The following TRPS1 variants were observed in gnomAD, a reference collection of about 807,000 sequenced individuals.
TRPS1 encodes the protein zinc finger transcription factor Trps1.
In TRPS1, 6 loss-of-function variants were observed where a neutral mutation model predicts 101.2. The ratio of observed to expected loss-of-function variants is 0.06; its 90% CI spans 0.03 to 0.12. TRPS1 has a LOEUF of 0.12. Among genes scored for constraint, TRPS1 ranks in the 10% least tolerant of loss-of-function variants. TRPS1 has a pLI of 1.00. For missense variants in TRPS1, 1,363 were observed against 1,567.0 expected, an observed-to-expected ratio of 0.87 and a Z score of 2.20; for synonymous variants, 578 against 589.8, an observed-to-expected ratio of 0.98 and a Z score of 0.29.
At chr8:115,642,880 C>T (rs1818935823) in intron 1 of TRPS1, among the ~76,000 whole-genome samples, 1 of 146,924 alleles carries the variant, frequency 6.8e-6, no homozygotes, top group Non-Finnish European at 1.5e-5. Context: ...ATATATTTAA[C>T]GTTATATATA....
chr8:115,641,451 G>A (rs1352959193), intron 1 of TRPS1, among the ~76,000 whole-genome samples: 1 of 152,202 alleles, frequency 6.6e-6, no homozygotes, highest in Non-Finnish European at 1.5e-5. Flanking sequence ...AACAACCACA[G>A]ATTATTCTTT....
intron 5 of TRPS1, among the ~76,000 whole-genome samples, chr8:115,517,091 T>C (rs1450348130): frequency 1.3e-5 from 2 of 151,684 alleles, no homozygotes; most frequent in Admixed American, 1.3e-4. Context: ...ACAAAATATA[T>C]GGTTGTTCAT....
At chr8:115,513,622 G>A (rs1485054565) in intron 5 of TRPS1, among the ~76,000 whole-genome samples, 3 of 151,620 alleles carry the variant, frequency 2.0e-5, no homozygotes, top group African/African-American at 7.3e-5. Context: ...TTTACTTATT[G>A]TGTATGGCTA....
chr8:115,619,054 G>T, intron 3 of TRPS1, 78 bp downstream of exon 3: 2 of 1,534,054 alleles, frequency 1.3e-6, no homozygotes, highest in Non-Finnish European at 1.8e-6. Context: ...TGGGACCTTG[G>T]TTTTAACATG....
chr8:115,608,811 C>T (rs556301311), intron 3 of TRPS1, among the ~76,000 whole-genome samples: 1 of 151,574 alleles, frequency 6.6e-6, no homozygotes, highest in Non-Finnish European at 1.5e-5. Context: ...CAGCATTTCA[C>T]TAATTTATTT....
At chr8:115,445,808 T>C (rs1462130499) in intron 5 of TRPS1, among the ~76,000 whole-genome samples, 1 of 152,194 alleles carries the variant, frequency 6.6e-6, no homozygotes, top group Non-Finnish European at 1.5e-5. Flanking sequence ...TACCTTATTG[T>C]TGTACTGTCA....
chr8:115,515,451 G>T (rs1815686286), intron 5 of TRPS1, among the ~76,000 whole-genome samples: 1 of 151,410 alleles, frequency 6.6e-6, no homozygotes, highest in Non-Finnish European at 1.5e-5. Flanking sequence ...CATTAGTTTG[G>T]CATGTAGCAT....
At chr8:115,582,426 C>T (rs1357868320) in intron 5 of TRPS1, among the ~76,000 whole-genome samples, 14 of 152,180 alleles carry the variant, frequency 9.2e-5, no homozygotes, top group Non-Finnish European at 1.8e-4. Flanking sequence ...ATAAATTTAA[C>T]GCTGCTGAAG....
At chr8:115,439,760 A>T (rs1813544640) in intron 5 of TRPS1, among the ~76,000 whole-genome samples, 1 of 152,140 alleles carries the variant, frequency 6.6e-6, no homozygotes, top group South Asian at 2.1e-4. Flanking sequence ...CATCACCCTA[A>T]CTTCCTTTAA....
At position 115,587,585 on chromosome 8, in the gene TRPS1, T is replaced by C. The variant is rs564680752; in HGVS notation, c.2116A>G (p.Lys706Glu). Reference protein sequence around the residue: ...RHYRRAHSCYKCRQCSFTAAD... With the variant: ...RHYRRAHSCYECRQCSFTAAD... ...GCTGTAAAACTGCACTGACGGCATT[T>C]GTAGCAGCTGTGTGCTCTCCTGGAG... Residue 706 changes from lysine (K) to glutamate (E), a missense_variant, in exon 5 of 7, where the codon AAA becomes GAA. Around this residue, in one of 5 missense-constraint regions of TRPS1, gnomAD observed 1,020 missense variants for 1,073.0 expected, o/e 0.95. Coordinates refer to ENST00000395715, the MANE Select transcript of TRPS1 (RefSeq NM_014112.5). The C allele has an allele frequency of 2.5e-6, 4 of 1,614,170 alleles. No homozygotes were observed. In the South Asian group the frequency reaches 4.4e-5, roughly 18 times the overall value.
At chr8:115,664,519 C>T (rs1042044411) in intron 1 of TRPS1, among the ~76,000 whole-genome samples, 17 of 152,132 alleles carry the variant, frequency 1.1e-4, no homozygotes, top group African/African-American at 2.9e-4. Flanking sequence ...CGCAAGTCTA[C>T]GTATGCTGTC....
chr8:115,475,406 T>C (rs1814579993), intron 5 of TRPS1, among the ~76,000 whole-genome samples: 1 of 151,538 alleles, frequency 6.6e-6, no homozygotes, highest in Non-Finnish European at 1.5e-5. Flanking sequence ...GATGCCAATT[T>C]GAAATTCTTC....
chr8:115,494,710 A>C (rs1815106952), intron 5 of TRPS1, among the ~76,000 whole-genome samples: 1 of 152,170 alleles, frequency 6.6e-6, no homozygotes, highest in Non-Finnish European at 1.5e-5. Flanking sequence ...TTTCACCTCA[A>C]GGGTCACATT....
intron 3 of TRPS1, among the ~76,000 whole-genome samples, chr8:115,618,126 T>A (rs73703338): frequency 0.06 from 9,074 of 152,200 alleles, 844 homozygotes; most frequent in African/African-American, 0.2. Context: ...ATGACTGATA[T>A]TTTAAGGGAT....
At chr8:115,593,446 G>C (rs536718018) in intron 4 of TRPS1, among the ~76,000 whole-genome samples, 1 of 152,238 alleles carries the variant, frequency 6.6e-6, no homozygotes, top group East Asian at 1.9e-4. Context: ...TATGGTTACT[G>C]TTTCACGTAC....
intron 5 of TRPS1, among the ~76,000 whole-genome samples, chr8:115,420,912 G>A (rs572168094): frequency 2.6e-5 from 4 of 152,048 alleles, no homozygotes; most frequent in Non-Finnish European, 4.4e-5. Flanking sequence ...CATTTGCCAG[G>A]TACAACACTG....
In TRPS1 at chr8:115,587,317, G is replaced by A; in HGVS notation, c.2384C>T (p.Thr795Ile). The change falls in exon 5 of 7, where the codon ACC (threonine) becomes ATC (isoleucine). Residue 795 changes from threonine (T) to isoleucine (I), a missense_variant. By Grantham distance (89) the Thr-to-Ile change is moderately conservative. Coordinates refer to ENST00000395715, the MANE Select transcript of TRPS1 (RefSeq NM_014112.5). ...EKDGLKEKVW[T>I]ESSSDDLRNV... ...GCGAAGGTCATCACTGGAACTCTCG[G>A]TCCAAACTTTCTCTTTGAGCCCGTC... 6.2e-7 allele frequency: 1 copy of A among 1,614,160 alleles called. No homozygotes were observed. The highest frequency in any genetic ancestry group is 8.5e-7 in the Non-Finnish European group (1 of 1,180,016).
At chr8:115,425,145 A>G (rs746233177) in intron 5 of TRPS1, among the ~76,000 whole-genome samples, 20 of 152,186 alleles carry the variant, frequency 1.3e-4, no homozygotes, top group Non-Finnish European at 1.9e-4. Flanking sequence ...AGACCAGGGA[A>G]AGCACTCTGC....
In TRPS1 at chr8:115,469,009, G is replaced by A. The variant is rs1050550892; in HGVS notation, c.2701-50557C>T. Among the ~76,000 whole-genome samples, 7 of 152,172 alleles carry A rather than the reference G, an allele frequency of 4.6e-5. No individual in the cohort carries two copies. The East Asian group carries it at 1.2e-3, about 25-fold the overall frequency. ...AATTTAAAAATATCCAGGCATGGTG[G>A]TACACACCTGTGGTACCAGCTACTT... On this transcript the variant is annotated intron_variant, in intron 5 of 6. Coordinates refer to ENST00000395715, the MANE Select transcript of TRPS1 (RefSeq NM_014112.5).
Sources: allele counts gnomAD v4.1 joint callset (sites outside exome capture counted in the v4.1 genomes callset), GRCh38; gene constraint gnomAD v4.1.1; regional missense constraint gnomAD v4.1.1; transcripts MANE v1.5; gene names NCBI Gene and HGNC (gene_info 2026-07-23, HGNC 2026-07-21).